NPHS1: variants seen among roughly 807,000 people sequenced by gnomAD.
NPHS1 encodes NPHS1 adhesion molecule, nephrin.
NPHS1 carries 107 observed loss-of-function variants against 139.7 expected under a neutral mutation model. The observed-to-expected ratio is 0.77, with a 90% confidence interval of 0.66 to 0.90. NPHS1 has a LOEUF of 0.90. Among genes scored for constraint, NPHS1 ranks in the 40% least tolerant of loss-of-function variants. The probability of loss-of-function intolerance (pLI) is 0.00; values close to 1 mark genes in which losing one functional copy is unlikely to be tolerated. For missense variants in NPHS1, 1,580 were observed against 1,654.2 expected, an observed-to-expected ratio of 0.96 and a Z score of 0.78; for synonymous variants, 707 against 706.6, an observed-to-expected ratio of 1.00 and a Z score of -0.01.
chr19:35,829,079 T>G (rs1972838162), intron 28 of NPHS1, among the ~76,000 whole-genome samples: 1 of 152,216 alleles, frequency 6.6e-6, no homozygotes, highest in Non-Finnish European at 1.5e-5. Flanking sequence ...TCTGTTGTTT[T>G]TGCCTGTACA....
Position 35,848,361 on chromosome 19 carries a change from T to A in NPHS1, c.1207A>T (p.Thr403Ser). 2 of 1,614,056 alleles carry A rather than the reference T, an allele frequency of 1.2e-6. No homozygotes were observed. Among genetic ancestry groups the A allele is most frequent in the Non-Finnish European group, 1.7e-6 (2 of 1,179,996 alleles). Residue 403 changes from threonine to serine, a missense_variant, in exon 10 of 29, where the codon ACA becomes TCA. Physicochemically the swap from Thr to Ser is moderately conservative, Grantham distance 58. Transcript: ENST00000378910. ...TTGTCCTCCCGCCGCGCCAGGAATG[T>A]CAGGTTGGACATGGAGATGTGACCG... is the stretch of plus-strand genomic sequence containing the variant. Reference protein sequence around the residue: ...HGGHISMSNLTFLARREDNGL... With the variant: ...HGGHISMSNLSFLARREDNGL...
chr19:35,845,960 T>C lies in NPHS1; in HGVS notation c.1627+48A>G. On this transcript the variant is annotated intron_variant, in intron 12 of 28. Transcript: ENST00000378910. The surrounding 1 kb of genome is among the most constrained non-coding windows in gnomAD (Gnocchi z 5.5). The stretch of plus-strand genomic sequence containing the variant: ...TCGCTGGGTCCCTGCCCCACCTGGC[T>C]CTGTCCCTCCCGCCCCGCCCCCGGG... The C allele has an allele frequency of 6.5e-7, 1 of 1,540,716 alleles. No individual in the cohort carries two copies. Among genetic ancestry groups the C allele is most frequent in the East Asian group, 2.4e-5 (1 of 40,820 alleles).
chr19:35,841,798 G>C lies in NPHS1; in HGVS notation c.2732C>G (p.Ala911Gly), dbSNP rs751717804. ...TGTGAAGAGGGCGTAATCCTGGGCG[G>C]CAGACACGTTGGCAATGGTCAGGAG... ...SSLLTIANVS[A>G]AQDYALFTCT... Residue 911 changes from alanine to glycine, a missense_variant, in exon 20 of 29, where the codon GCC (alanine) becomes GGC (glycine). Coordinates refer to ENST00000378910, the MANE Select transcript of NPHS1 (RefSeq NM_004646.4). 2.0e-5 allele frequency: 33 copies of C among 1,614,118 alleles called. No individual in the cohort carries two copies. Among genetic ancestry groups the C allele is most frequent in the Non-Finnish European group, 2.8e-5 (33 of 1,180,012 alleles).
In NPHS1 at chr19:35,851,092, G is replaced by A. The variant is rs1332721738; in HGVS notation, c.398-3C>T. 1.2e-6 allele frequency: 2 copies of A among 1,614,150 alleles called. No homozygotes were observed. The highest frequency in any genetic ancestry group is 1.1e-5 in the South Asian group (1 of 91,084). On this transcript the variant is annotated splice_polypyrimidine_tract_variant and splice_region_variant and intron_variant, in intron 3 of 28. Coordinates refer to ENST00000378910, the MANE Select transcript of NPHS1 (RefSeq NM_004646.4). ...CAGCAGGAGCAGCTTGGGAGGAACT[G>A]GTGAGAGAAGGGTCTGGGGTAAGCT...
rs2146826542 is a variant in NPHS1 at position 35,848,320 on chromosome 19, T to C, written c.1248A>G (p.Thr416=). 2 of 1,614,144 alleles carry C rather than the reference T, an allele frequency of 1.2e-6. No homozygotes were observed. The highest frequency in any genetic ancestry group is 1.1e-5 in the South Asian group (1 of 91,078). ...ARREDNGLTL[T]CEAFSEAFTK... ...TGAAGGCTTCACTGAAGGCCTCACA[T>C]GTGAGGGTCAGACCGTTGTCCTCCC... Residue 416 remains threonine (T), a synonymous_variant, in exon 10 of 29, where the codon ACA becomes ACG. Coordinates refer to ENST00000378910, the MANE Select transcript of NPHS1 (RefSeq NM_004646.4).
Position 35,833,765 on chromosome 19 carries a change from C to T in NPHS1, c.3166+1940G>A, listed in dbSNP as rs146617516. Among the ~76,000 whole-genome samples, 601 of 152,140 alleles carry T rather than the reference C, an allele frequency of 4.0e-3. 4 individuals carry two copies. Among genetic ancestry groups the T allele is most frequent in the African/African-American group, 0.013 (549 of 41,532 alleles). On this transcript the variant is annotated intron_variant, in intron 23 of 28. Transcript: ENST00000378910. ...AGGCTGCAGTGCAGTGGCGTGAGCTCGGCTCATTGAAGGCTCAACCTCCTG... is the reference window on the plus strand; with the variant it reads ...AGGCTGCAGTGCAGTGGCGTGAGCTTGGCTCATTGAAGGCTCAACCTCCTG...
Position 35,826,411 on chromosome 19 carries a change from G to A in NPHS1, c.*103C>T. ...CCTCTCCTGACACCAAGTCCCTTTG[G>A]GTTTTATGGAGCTCACCTAACCAGC... On this transcript the variant is annotated 3_prime_UTR_variant, in exon 29 of 29. Coordinates refer to ENST00000378910, the MANE Select transcript of NPHS1 (RefSeq NM_004646.4). 7.2e-7 allele frequency: 1 copy of A among 1,396,964 alleles called. No homozygotes were observed. The highest frequency in any genetic ancestry group is 2.3e-5 in the East Asian group (1 of 43,474). 86.5% of individuals were successfully genotyped at this position (1,396,964 alleles called of 1,614,324 possible).
chr19:35,839,285 C>T lies in NPHS1; in HGVS notation c.3061G>A (p.Asp1021Asn), dbSNP rs534134186. The T allele has an allele frequency of 1.9e-6, 3 of 1,614,196 alleles. No individual in the cohort carries two copies. The highest frequency in any genetic ancestry group is 2.5e-6 in the Non-Finnish European group (3 of 1,180,028). The change falls in exon 22 of 29, where the codon GAC becomes AAC. Residue 1021 changes from aspartate (D) to asparagine (N), a missense_variant. By Grantham distance (23) the Asp-to-Asn change is conservative. Transcript: ENST00000378910. ...GTCCCTTTGTCAGCCAGTCCACTGT[C>T]CCCCAAGGCATTACTGGCCAGCAGC... ...VWLLASNALG[D>N]SGLADKGTQL...
chr19:35,837,848 C>T lies in NPHS1; in HGVS notation c.3109+1389G>A, dbSNP rs1972990528. Among the ~76,000 whole-genome samples, 5 of 151,074 alleles carry T rather than the reference C, an allele frequency of 3.3e-5. No individual in the cohort carries two copies. The South Asian group carries it at 1.0e-3, about 32-fold the overall frequency. On this transcript the variant is annotated intron_variant, in intron 22 of 28. Coordinates refer to ENST00000378910, the MANE Select transcript of NPHS1 (RefSeq NM_004646.4). ...AACTCCCGACCTCAAGTAATACACCCGCCTTGGCCTCTCAAAGTGCTGGGA... is the reference window on the plus strand; with the variant it reads ...AACTCCCGACCTCAAGTAATACACCTGCCTTGGCCTCTCAAAGTGCTGGGA...
At position 35,836,001 on chromosome 19, in the gene NPHS1, C is replaced by T. The variant is rs145948884; in HGVS notation, c.3110-240G>A. Among the ~76,000 whole-genome samples, 184 of 146,338 alleles carry T rather than the reference C, an allele frequency of 1.3e-3. 3 individuals carry two copies. Among genetic ancestry groups the T allele is most frequent in the Admixed American group, 0.012 (165 of 14,308 alleles). On this transcript the variant is annotated intron_variant, in intron 22 of 28. Transcript: ENST00000378910. ...TTGAGACTGAACCTCTCTCTATTGC[C>T]CAGGCTGGAGTGCAGTGGCGCAATC...
chr19:35,847,862 T>A, intron 11 of NPHS1, 179 bp downstream of exon 11: 1 of 612,836 alleles, frequency 1.6e-6, no homozygotes, highest in East Asian at 2.9e-5. Context: ...TTCCTAGGAT[T>A]CCATTTAATT....
At chr19:35,831,442 A>G (rs1763030388) in intron 25 of NPHS1, 34 bp downstream of exon 25, 2 of 1,612,778 alleles carry the variant, frequency 1.2e-6, no homozygotes, top group African/African-American at 2.7e-5. Context: ...AACCTCCCTC[A>G]GAGCCTTCTT....
At chr19:35,842,002 C>T in intron 19 of NPHS1, 122 bp downstream of exon 19, 1 of 1,401,230 alleles carries the variant, frequency 7.1e-7, no homozygotes, top group South Asian at 1.2e-5. Context: ...ATCCACTCAA[C>T]CATTCACTCA....
rs1386882068 is a variant in NPHS1, at chr19:35,842,786, C to T, written c.2335-236G>A. On this transcript the variant is annotated intron_variant, in intron 17 of 28. Transcript: ENST00000378910. ...CCCAACCACTTATGCTTGGAACCAT[C>T]TATCCGTCCATCCATTCATTTATCC... 3.3e-5 allele frequency among the ~76,000 whole-genome samples: 5 copies of T among 152,274 alleles called. No homozygotes were observed. The East Asian group carries it at 9.7e-4, about 29-fold the overall frequency.
intron 22 of NPHS1, among the ~76,000 whole-genome samples, chr19:35,837,700 T>A (rs1430673198): frequency 6.6e-6 from 1 of 151,942 alleles, no homozygotes; most frequent in African/African-American, 2.4e-5. Context: ...CCTCCCAGGT[T>A]CAAGTGATTC....
At position 35,842,136 on chromosome 19, in the gene NPHS1, A is replaced by C; in HGVS notation, c.2651T>G (p.Leu884Arg). ...TWTKNGVPLD[L>R]QDPRYTEHTY... ...GGCTTGGGCTCACCTGGGATCTTGG[A>C]GATCCAGAGGGACCCCGTTTTTTGT... The change falls in exon 19 of 29, where the codon CTC (leucine) becomes CGC (arginine). Residue 884 changes from leucine (L) to arginine (R), a missense_variant. Leu to Arg is a moderately radical substitution (Grantham distance 102, BLOSUM62 -2). Transcript: ENST00000378910. The C allele has an allele frequency of 6.2e-7, 1 of 1,605,366 alleles. No individual in the cohort carries two copies. Among genetic ancestry groups the C allele is most frequent in the Non-Finnish European group, 8.5e-7 (1 of 1,176,810 alleles).
chr19:35,836,211 G>A (rs1418395949), intron 22 of NPHS1, among the ~76,000 whole-genome samples: 1 of 145,178 alleles, frequency 6.9e-6, no homozygotes, highest in East Asian at 2.1e-4. Context: ...CGCCCACCTC[G>A]GCCTTCCAGA....
At chr19:35,833,754 T>G (rs961578258) in intron 23 of NPHS1, among the ~76,000 whole-genome samples, 1 of 152,114 alleles carries the variant, frequency 6.6e-6, no homozygotes, top group Non-Finnish European at 1.5e-5. Context: ...TGCAGTGCAG[T>G]GGCGTGAGCT....
Position 35,845,265 on chromosome 19 carries a change from G to A in NPHS1, c.1930+103C>T, listed in dbSNP as rs1973118351. 2 of 1,293,418 alleles carry A rather than the reference G, an allele frequency of 1.5e-6. No homozygotes were observed. The highest frequency in any genetic ancestry group is 1.2e-5 in the South Asian group (1 of 80,536). 80.1% of individuals were successfully genotyped at this position (1,293,418 alleles called of 1,614,324 possible). A position where few individuals can be genotyped will look rare whatever the true frequency, so the allele number is the denominator to read the frequency against. ...AGCCTGAGCGACAAAAAATGAAAGA[G>A]AGAGAGAGAGAGAAGAGAAAAAGAA... On this transcript the variant is annotated intron_variant, in intron 14 of 28. Coordinates refer to ENST00000378910, the MANE Select transcript of NPHS1 (RefSeq NM_004646.4). The surrounding 1 kb of genome is among the most constrained non-coding windows in gnomAD (Gnocchi z 5.5).
Sources: allele counts gnomAD v4.1 joint callset (sites outside exome capture counted in the v4.1 genomes callset), GRCh38; gene constraint gnomAD v4.1.1; non-coding constraint Gnocchi (gnomAD v3.1); transcripts MANE v1.5; gene names NCBI Gene and HGNC (gene_info 2026-07-23, HGNC 2026-07-21).